RUNX1T1: variants seen among roughly 807,000 people sequenced by gnomAD.
RUNX1T1 encodes the protein protein CBFA2T1.
In RUNX1T1, 4 loss-of-function variants were observed where a neutral mutation model predicts 62.8. The ratio of observed to expected loss-of-function variants is 0.06; its 90% confidence interval spans 0.03 to 0.15. The LOEUF (loss-of-function observed/expected upper bound fraction) is 0.15, where lower values mean the gene tolerates loss of function less well. Among genes scored for constraint, RUNX1T1 ranks in the 10% least tolerant of loss-of-function variants. The pLI, the probability that RUNX1T1 is intolerant of heterozygous loss-of-function variation, is 1.00. For synonymous variants in RUNX1T1, 291 were observed against 286.0 expected, an observed-to-expected ratio of 1.02 and a Z score of -0.18; for missense variants, 508 against 754.3, an observed-to-expected ratio of 0.67 and a Z score of 3.82.
At chr8:91,995,914 T>C (rs570527961) in intron 5 of RUNX1T1, among the ~76,000 whole-genome samples, 2 of 152,358 alleles carry the variant, frequency 1.3e-5, no homozygotes, top group East Asian at 3.9e-4. Context: ...ATTCAAAGCA[T>C]GTATGTTCAG....
At chr8:92,037,292 C>T (rs1368901012) in intron 1 of RUNX1T1, among the ~76,000 whole-genome samples, 1 of 152,196 alleles carries the variant, frequency 6.6e-6, no homozygotes, top group African/African-American at 2.4e-5. Context: ...AAGAAATGTT[C>T]AGGTGCCTTG....
chr8:91,976,921 TTC>T (rs1375591854), intron 8 of RUNX1T1, among the ~76,000 whole-genome samples: 1 of 152,172 alleles, frequency 6.6e-6, no homozygotes, highest in Non-Finnish European at 1.5e-5. Context: ...CCATGATAAA[TTC>T]TGAGGAAAAC....
chr8:92,059,049 G>C, intron 1 of RUNX1T1, among the ~76,000 whole-genome samples: 1 of 152,130 alleles, frequency 6.6e-6, no homozygotes, highest in East Asian at 1.9e-4. Context: ...TAACAGAAAA[G>C]AATGTAAAGA....
exon 5 of RUNX1T1, chr8:92,005,271 C>T (rs981843714): frequency 3.1e-6 from 5 of 1,612,152 alleles, no homozygotes; most frequent in Admixed American, 1.7e-5. Flanking sequence ...AGTGGAGGAG[C>T]TCACGCTGCA....
In RUNX1T1 at chr8:92,058,027, G is replaced by A. The variant is rs80338344; in HGVS notation, c.7+4519C>T. On this transcript the variant is annotated intron_variant, in intron 1 of 10. Transcript: ENST00000396218. ...GGAGCCAGGCAAGGCATTCCAATAG[G>A]CGTTCGTGTAGCCCATTGTGCATCC... Among the ~76,000 whole-genome samples the A allele has an allele frequency of 9.1e-3, 1,390 of 152,202 alleles. 18 individuals carry two copies. The highest frequency in any genetic ancestry group is 0.032 in the African/African-American group (1,321 of 41,518).
upstream of RUNX1T1, among the ~76,000 whole-genome samples, chr8:92,065,138 T>C (rs563543113): frequency 6.6e-6 from 1 of 152,262 alleles, no homozygotes; most frequent in Non-Finnish European, 1.5e-5. Flanking sequence ...TATGTAGTTC[T>C]ACACAGTTAC....
intron 2 of RUNX1T1, among the ~76,000 whole-genome samples, chr8:92,069,456 A>C (rs1833360844): frequency 6.6e-6 from 1 of 152,124 alleles, no homozygotes; most frequent in Non-Finnish European, 1.5e-5. Context: ...CTTTCACAGG[A>C]CTTTCATCTC....
At chr8:92,103,265 T>A, upstream of RUNX1T1, 1 of 233,974 alleles carries the variant, frequency 4.3e-6, no homozygotes. Context: ...AGGCGGCGTC[T>A]GCGTCTCCCT....
rs890123661 is a variant in RUNX1T1, at chr8:92,008,451, T to C, written c.477+2551A>G. On this transcript the variant is annotated intron_variant, in intron 4 of 10. Coordinates refer to ENST00000396218, the Ensembl canonical transcript of RUNX1T1. ...ACACGAGACTATGTGCCATTCTGTA[T>C]TAAATAGAGTCAGCTGGGACCTCAG... Among the ~76,000 whole-genome samples, 47 of 150,436 alleles carry C rather than the reference T, an allele frequency of 3.1e-4. 1 individual carries two copies. Among genetic ancestry groups the C allele is most frequent in the African/African-American group, 1.2e-3 (47 of 40,810 alleles).
intron 10 of RUNX1T1, among the ~76,000 whole-genome samples, chr8:91,969,604 T>C (rs964317101): frequency 6.6e-6 from 1 of 152,222 alleles, no homozygotes; most frequent in African/African-American, 2.4e-5. Flanking sequence ...AAACTTCCCT[T>C]TGTCCCTCTT....
chr8:92,088,433 T>G (rs1836467673), intron 1 of RUNX1T1, among the ~76,000 whole-genome samples: 1 of 152,252 alleles, frequency 6.6e-6, no homozygotes, highest in Admixed American at 6.5e-5. Context: ...TTCCCAAGAC[T>G]GCATTTAAAG....
intron 8 of RUNX1T1, among the ~76,000 whole-genome samples, chr8:91,978,691 T>C (rs1179121464): frequency 6.6e-6 from 1 of 152,160 alleles, no homozygotes; most frequent in Non-Finnish European, 1.5e-5. Context: ...GATGACACTT[T>C]CAAAAATTTT....
chr8:92,067,307 A>T (rs958002030), upstream of RUNX1T1, among the ~76,000 whole-genome samples: 9 of 152,230 alleles, frequency 5.9e-5, no homozygotes, highest in Non-Finnish European at 1.2e-4. Context: ...TGGCCCATGG[A>T]GGACATGCTG....
At chr8:92,007,134 T>C (rs1365556361) in intron 4 of RUNX1T1, among the ~76,000 whole-genome samples, 1 of 152,172 alleles carries the variant, frequency 6.6e-6, no homozygotes, top group East Asian at 1.9e-4. Flanking sequence ...AAAGCAAAAA[T>C]AACATTTCTA....
At chr8:92,008,628 C>T (rs1451694175) in intron 4 of RUNX1T1, among the ~76,000 whole-genome samples, 2 of 152,100 alleles carry the variant, frequency 1.3e-5, no homozygotes, top group African/African-American at 4.8e-5. Context: ...AATTGACTCA[C>T]AGGCTGGACA....
intron 1 of RUNX1T1, among the ~76,000 whole-genome samples, chr8:92,042,336 G>A (rs946057350): frequency 3.9e-5 from 6 of 152,066 alleles, no homozygotes; most frequent in African/African-American, 1.4e-4. Flanking sequence ...CTTTGTTTGA[G>A]ACAGGTTCTC....
chr8:92,012,511 A>C lies in RUNX1T1; in HGVS notation c.388-1420T>G, dbSNP rs74404192. Among the ~76,000 whole-genome samples, 1,083 of 152,254 alleles carry C rather than the reference A, an allele frequency of 7.1e-3. 13 individuals are homozygous for C. The highest frequency in any genetic ancestry group is 0.024 in the African/African-American group (1,009 of 41,548). On this transcript the variant is annotated intron_variant, in intron 3 of 10. Coordinates refer to ENST00000396218, the Ensembl canonical transcript of RUNX1T1. Reference sequence around the variant, plus strand: ...CCGATGCGAATGCATTGGGTGACAGAGAACGGGTATGGGTGACAGAGAAAG... The same window carrying C: ...CCGATGCGAATGCATTGGGTGACAGCGAACGGGTATGGGTGACAGAGAAAG...
At chr8:92,058,019 T>A (rs1298902619) in intron 1 of RUNX1T1, among the ~76,000 whole-genome samples, 1 of 152,140 alleles carries the variant, frequency 6.6e-6, no homozygotes, top group Non-Finnish European at 1.5e-5. Context: ...GGCAAGGCAT[T>A]CCAATAGGCG....
In RUNX1T1 at chr8:92,028,911, AC is replaced by A. The variant is rs372990847; in HGVS notation, c.8-11549del. On this transcript the variant is annotated intron_variant, in intron 1 of 10. Transcript: ENST00000396218. Reference sequence around the variant, plus strand: ...CAAAAACAAGTCATTAGTGATCCAAACCTTTTATCATCTAAAGAACTGACAA... The same window carrying A: ...CAAAAACAAGTCATTAGTGATCCAAACTTTTATCATCTAAAGAACTGACAA... Among the ~76,000 whole-genome samples the A allele has an allele frequency of 3.6e-3, 553 of 152,314 alleles. 2 individuals are homozygous for A. Among genetic ancestry groups the A allele is most frequent in the African/African-American group, 0.013 (523 of 41,568 alleles).
Sources: allele counts gnomAD v4.1 joint callset (sites outside exome capture counted in the v4.1 genomes callset), GRCh38; gene constraint gnomAD v4.1.1; transcripts MANE v1.5; gene names NCBI Gene and HGNC (gene_info 2026-07-23, HGNC 2026-07-21).